ARL13B: variants seen among roughly 807,000 people sequenced by gnomAD.
The protein encoded by ARL13B is ARF like GTPase 13B, also known as ADP-ribosylation factor-like protein 13B.
Under a neutral mutation model 56.1 loss-of-function variants are expected in ARL13B, and 36 were observed. The ratio of observed to expected loss-of-function variants is 0.64; its 90% CI spans 0.49 to 0.85. The LOEUF (loss-of-function observed/expected upper bound fraction) is 0.85. ARL13B is among the 40% of genes least tolerant of loss of function. The pLI is 0.00. For synonymous variants in ARL13B, 178 were observed against 171.1 expected (o/e 1.04, Z -0.32); for missense variants, 519 against 507.1 (o/e 1.02, Z -0.23).
intron 7 of ARL13B, among the ~76,000 whole-genome samples, chr3:94,044,073 G>A (rs1484536999): frequency 2.6e-5 from 4 of 152,030 alleles, no homozygotes; most frequent in Non-Finnish European, 4.4e-5. Flanking sequence ...CTGCCTGCCC[G>A]CCACCCCGTC....
chr3:94,026,113 G>A (rs992578318), intron 3 of ARL13B, among the ~76,000 whole-genome samples: 41 of 151,088 alleles, frequency 2.7e-4, no homozygotes, highest in African/African-American at 9.3e-4. Context: ...TCCGCCTTCC[G>A]GGTTCACGCC....
At chr3:94,029,338 A>ATAT (rs2076626952) in intron 3 of ARL13B, among the ~76,000 whole-genome samples, 6 of 59,026 alleles carry the variant, frequency 1.0e-4, no homozygotes, top group East Asian at 8.2e-4. Context: ...ATATATATTT[A>ATAT]TTTTTTTTTT....
chr3:93,992,553 T>A (rs1228649168), intron 1 of ARL13B, among the ~76,000 whole-genome samples: 1 of 152,224 alleles, frequency 6.6e-6, no homozygotes, highest in African/African-American at 2.4e-5. Context: ...GATATTTGTT[T>A]GCTACTATGT....
Position 94,036,540 on chromosome 3 carries a change from T to C in ARL13B, c.487-12T>C. The C allele has an allele frequency of 6.2e-7, 1 of 1,613,648 alleles. No individual in the cohort carries two copies. Among genetic ancestry groups the C allele is most frequent in the African/African-American group, 1.3e-5 (1 of 75,028 alleles). ...CCTTTTAATCTTTTAGTCAAATAAA[T>C]TTCTGTTTTAGGAACCATGTTCAGC... On this transcript the variant is annotated splice_polypyrimidine_tract_variant and intron_variant, in intron 4 of 9. Transcript: ENST00000394222.
chr3:94,045,572 A>G (rs924027383), intron 7 of ARL13B, among the ~76,000 whole-genome samples: 89 of 152,272 alleles, frequency 5.8e-4, no homozygotes, highest in African/African-American at 2.0e-3. Flanking sequence ...AGGCAAGTTC[A>G]TTATAAAATA....
At chr3:94,031,055 A>C (rs2076668536) in intron 3 of ARL13B, among the ~76,000 whole-genome samples, 1 of 152,022 alleles carries the variant, frequency 6.6e-6, no homozygotes, top group African/African-American at 2.4e-5. Context: ...AGCTGGGCAT[A>C]GTGGTATGCG....
At chr3:93,984,039 G>C (rs1710337600) in intron 1 of ARL13B, among the ~76,000 whole-genome samples, 1 of 152,284 alleles carries the variant, frequency 6.6e-6, no homozygotes, top group South Asian at 2.1e-4. Flanking sequence ...TATTCTTAAA[G>C]TTAGAGGAAA....
chr3:94,020,294 C>A (rs1433364801), intron 3 of ARL13B, among the ~76,000 whole-genome samples: 3 of 152,050 alleles, frequency 2.0e-5, no homozygotes, highest in Non-Finnish European at 4.4e-5. Context: ...GTTTTATGTT[C>A]TTATAAGAAC....
At chr3:94,042,540 T>C (rs2076880790) in intron 6 of ARL13B, among the ~76,000 whole-genome samples, 1 of 152,210 alleles carries the variant, frequency 6.6e-6, no homozygotes. Context: ...CTGAGCACTT[T>C]ATATATTCAT....
chr3:93,986,763 G>A (rs1449368257), intron 1 of ARL13B, among the ~76,000 whole-genome samples: 1 of 152,148 alleles, frequency 6.6e-6, no homozygotes, highest in Non-Finnish European at 1.5e-5. Flanking sequence ...GAGGTCAGGA[G>A]TTCGAGATGA....
intron 3 of ARL13B, among the ~76,000 whole-genome samples, chr3:94,025,349 A>G (rs991261680): frequency 1.5e-4 from 23 of 152,222 alleles, no homozygotes; most frequent in African/African-American, 4.8e-4. Flanking sequence ...GTTATACATC[A>G]TGGCAATGCG....
chr3:94,013,457 T>C (rs930039188), intron 3 of ARL13B, among the ~76,000 whole-genome samples: 2 of 152,224 alleles, frequency 1.3e-5, no homozygotes, highest in Non-Finnish European at 2.9e-5. Context: ...TACAGTTGCC[T>C]TTAATTTGAC....
At chr3:94,051,644 A>G (rs2077069545) in intron 9 of ARL13B, among the ~76,000 whole-genome samples, 1 of 152,078 alleles carries the variant, frequency 6.6e-6, no homozygotes, top group Admixed American at 6.6e-5. Flanking sequence ...AGATAAATGT[A>G]GTTCAATAAA....
chr3:94,043,292 CTT>C, intron 7 of ARL13B, 52 bp downstream of exon 7: 1 of 1,435,358 alleles, frequency 7.0e-7, no homozygotes, highest in Non-Finnish European at 9.5e-7. Flanking sequence ...ATAAATAAAA[CTT>C]ATACTTCATC....
chr3:94,050,722 A>G (rs2077053528), intron 8 of ARL13B, 102 bp from the exon 9 acceptor site: 1 of 941,646 alleles, frequency 1.1e-6, no homozygotes. Flanking sequence ...TTGAATTGAC[A>G]TTGAATGTTA....
intron 5 of ARL13B, 114 bp downstream of exon 5, chr3:94,036,868 C>T: frequency 8.3e-7 from 1 of 1,204,008 alleles, no homozygotes; most frequent in Middle Eastern, 2.6e-4. Flanking sequence ...TGAAGGAAGA[C>T]ACTAGGTAAA....
chr3:93,983,841 T>A (rs896866069), intron 1 of ARL13B, among the ~76,000 whole-genome samples: 6 of 152,172 alleles, frequency 3.9e-5, no homozygotes, highest in Admixed American at 1.3e-4. Context: ...TGTAGTACAA[T>A]TGACACTTGA....
In ARL13B at chr3:94,020,763, G is replaced by A. The variant is rs946575896; in HGVS notation, c.381-14568G>A. ...AAGAGCAAGTTTTTGTTGCTGAAAT[G>A]CACTTAAAGCATTCTACTATTTATT... On this transcript the variant is annotated intron_variant, in intron 3 of 9. Coordinates refer to ENST00000394222, the MANE Select transcript of ARL13B (RefSeq NM_001174150.2). Among the ~76,000 whole-genome samples, 4 of 152,152 alleles carry A rather than the reference G, an allele frequency of 2.6e-5. No homozygotes were observed. The East Asian group carries it at 7.7e-4, about 29-fold the overall frequency.
chr3:93,994,884 G>A (rs1489437793), intron 1 of ARL13B, among the ~76,000 whole-genome samples: 4 of 151,514 alleles, frequency 2.6e-5, no homozygotes, highest in South Asian at 2.1e-4. Context: ...CACCCTTTAC[G>A]GCCATTTAAA....
Sources: gnomAD v4.1 joint callset for allele counts (sites outside exome capture counted in the v4.1 genomes callset) on GRCh38, gnomAD v4.1.1 for gene constraint, MANE v1.5 for transcripts, NCBI Gene and HGNC (gene_info 2026-07-23, HGNC 2026-07-21) for gene names.